Variants in NBPF15 observed in about 807,000 individuals in gnomAD.
NBPF15 encodes the protein NBPF member 15, also known as NBPF family member NBPF15.
A neutral mutation model predicts 62.2 loss-of-function variants in NBPF15; 74 were observed. The ratio of observed to expected loss-of-function variants is 1.19; its 90% CI spans 0.99 to 1.44. The LOEUF is 1.44. NBPF15 is among the 40% of genes most tolerant of loss of function. The pLI is 0.00. For missense variants in NBPF15, 790 were observed against 550.0 expected (o/e 1.44, Z -4.36); for synonymous variants, 244 against 209.7 (o/e 1.16, Z -1.41).
At position 144,426,564 on chromosome 1, in the gene NBPF15, C is replaced by A. The variant is rs1333885244; in HGVS notation, c.1266-114G>T. Reference sequence around the variant, plus strand: ...TGTTTAAAAAGAAAAAGGACGGATCCATTAATGAGGTAATGAATTATTGCC... The same window carrying A: ...TGTTTAAAAAGAAAAAGGACGGATCAATTAATGAGGTAATGAATTATTGCC... On this transcript the variant is annotated intron_variant, in intron 17 of 21. Transcript: ENST00000581897. 6 of 723,314 alleles carry A rather than the reference C, an allele frequency of 8.3e-6. No homozygotes were observed. In the African/African-American group the frequency reaches 1.0e-4, roughly 13 times the overall value. The allele number at this position is 723,314 out of a possible 1,614,324, so 44.8% of individuals were successfully genotyped here.
chr1:144,459,833 T>A (rs1651174838), intron 2 of NBPF15, among the ~76,000 whole-genome samples: 1 of 151,812 alleles, frequency 6.6e-6, no homozygotes, highest in African/African-American at 2.4e-5. Context: ...TCAGCAAGGA[T>A]GTGGGGTAAC....
At chr1:144,428,295 A>T (rs9438350) in intron 15 of NBPF15, among the ~76,000 whole-genome samples, 16 of 151,898 alleles carry the variant, frequency 1.1e-4, no homozygotes, top group Admixed American at 6.6e-5. Flanking sequence ...CAGGACACAC[A>T]GTGAACAGTG....
intron 4 of NBPF15, among the ~76,000 whole-genome samples, chr1:144,453,225 T>C (rs1219656889): frequency 6.7e-6 from 1 of 150,282 alleles, no homozygotes; most frequent in Admixed American, 6.7e-5. Flanking sequence ...TTAGAGACAA[T>C]TTAAAACAGC....
At chr1:144,423,842 T>A (rs1234607572) in intron 21 of NBPF15, 28 bp downstream of exon 21, 3 of 763,156 alleles carry the variant, frequency 3.9e-6, no homozygotes, top group Non-Finnish European at 7.2e-6. Context: ...TAACACAGAA[T>A]TAAGCATCCA....
At chr1:144,451,771 G>A (rs587675022) in intron 4 of NBPF15, among the ~76,000 whole-genome samples, 1 of 151,256 alleles carries the variant, frequency 6.6e-6, no homozygotes, top group Non-Finnish European at 1.5e-5. Context: ...CAAGGCAAAA[G>A]AATTTTTCTT....
At chr1:144,461,339 C>T (rs1185881206) in intron 1 of NBPF15, 42 bp downstream of exon 1, 1 of 151,538 alleles carries the variant, frequency 6.6e-6, no homozygotes, top group African/African-American at 2.4e-5. Context: ...TTGCGACAGC[C>T]GCAGCTCGAC....
chr1:144,440,279 G>C lies in NBPF15; in HGVS notation c.-174C>G. On this transcript the variant is annotated 5_prime_UTR_variant, in exon 7 of 22. Coordinates refer to ENST00000581897, the MANE Select transcript of NBPF15 (RefSeq NM_001385408.1). ...ATAAGAGTGAGGTAGATTGTGGCCA[G>C]CGTGCCAGGTAACCGTCTGCAGTTG... 6.7e-7 allele frequency: 1 copy of C among 1,487,274 alleles called. No homozygotes were observed. The highest frequency in any genetic ancestry group is 9.0e-7 in the Non-Finnish European group (1 of 1,110,854). 92.1% of individuals were successfully genotyped at this position (1,487,274 alleles called of 1,614,324 possible). A position where few individuals can be genotyped will look rare whatever the true frequency, so the allele number is the denominator to read the frequency against.
chr1:144,433,206 GA>G (rs1480919424), intron 13 of NBPF15, among the ~76,000 whole-genome samples: 2 of 151,910 alleles, frequency 1.3e-5, no homozygotes, highest in Admixed American at 6.6e-5. Flanking sequence ...TGACTACTGG[GA>G]AAATAACAAA....
intron 6 of NBPF15, among the ~76,000 whole-genome samples, chr1:144,440,945 G>A (rs1433276841): frequency 6.6e-6 from 1 of 151,774 alleles, no homozygotes; most frequent in African/African-American, 2.4e-5. Context: ...TGGGATTACA[G>A]GCATGAGCCA....
Position 144,423,918 on chromosome 1 carries a change from C to A in NBPF15, c.1721G>T (p.Arg574Ile). The change falls in exon 21 of 22, where the codon AGA becomes ATA. Residue 574 changes from arginine to isoleucine, a missense_variant. Arg to Ile is a moderately conservative substitution (Grantham distance 97). Coordinates refer to ENST00000581897, the MANE Select transcript of NBPF15 (RefSeq NM_001385408.1). Reference sequence around the variant, plus strand: ...TTCCCCTTCTTTTCTTCCCCTTCTTCTTTTCTTCTTTGATCTTCTTCCCCT... The same window carrying A: ...TTCCCCTTCTTTTCTTCCCCTTCTTATTTTCTTCTTTGATCTTCTTCCCCT... The part of the protein sequence containing the change: ...KRRGRRSKKK[R>I]RRGRKEGEDD... 3.7e-6 allele frequency: 3 copies of A among 800,162 alleles called. No individual in the cohort carries two copies. Among genetic ancestry groups the A allele is most frequent in the Non-Finnish European group, 6.7e-6 (3 of 449,972 alleles). 49.6% of individuals were successfully genotyped at this position (800,162 alleles called of 1,614,324 possible).
chr1:144,448,100 C>T (rs1469873122), intron 6 of NBPF15, among the ~76,000 whole-genome samples: 3 of 152,020 alleles, frequency 2.0e-5, no homozygotes, highest in Non-Finnish European at 4.4e-5. Context: ...TTTATTTCTC[C>T]TTTATCATAA....
At chr1:144,437,495 G>A (rs61812392) in intron 9 of NBPF15, among the ~76,000 whole-genome samples, 42 of 146,464 alleles carry the variant, frequency 2.9e-4, no homozygotes, top group African/African-American at 7.5e-4. Flanking sequence ...ATGAGGCCAG[G>A]TGCAGATGGG....
chr1:144,455,092 G>A lies in NBPF15; in HGVS notation c.-432+1445C>T, dbSNP rs587639012. 3.8e-5 allele frequency among the ~76,000 whole-genome samples: 5 copies of A among 130,638 alleles called. No individual in the cohort carries two copies. The East Asian group carries it at 1.1e-3, about 28-fold the overall frequency. The allele number at this position is 130,638 out of a possible 152,430, so 85.7% of individuals were successfully genotyped here. The stretch of plus-strand genomic sequence containing the variant: ...AGAATGGAGGGAGGGAAGGAAGGAG[G>A]AAGGAAGGAAGGAAGGAAGGAAGGG... On this transcript the variant is annotated intron_variant, in intron 4 of 21. Transcript: ENST00000581897.
intron 14 of NBPF15, among the ~76,000 whole-genome samples, chr1:144,429,246 G>A (rs1424885020): frequency 1.3e-5 from 2 of 148,954 alleles, no homozygotes; most frequent in African/African-American, 5.2e-5. Flanking sequence ...GTGAAACCTG[G>A]GTCACATCTT....
At chr1:144,453,064 G>A (rs1181631966) in intron 4 of NBPF15, among the ~76,000 whole-genome samples, 1 of 144,120 alleles carries the variant, frequency 6.9e-6, no homozygotes, top group African/African-American at 2.6e-5. Flanking sequence ...CTGAGGTTTG[G>A]CACTACCAAC....
Position 144,440,059 on chromosome 1 carries a change from C to T in NBPF15, c.-35-21G>A, listed in dbSNP as rs1294951343. The T allele has an allele frequency of 5.8e-5, 91 of 1,561,600 alleles. 3 individuals carry two copies. The highest frequency in any genetic ancestry group is 3.2e-4 in the Admixed American group (19 of 59,910). On this transcript the variant is annotated intron_variant, in intron 7 of 21. Coordinates refer to ENST00000581897, the MANE Select transcript of NBPF15 (RefSeq NM_001385408.1). ...AGGGACTGGGGAGAAGAAACCCAAA[C>T]ATATGATGGGTTAAAAACTGGTGAA...
Position 144,455,626 on chromosome 1 carries a change from G to A in NBPF15, c.-432+911C>T, listed in dbSNP as rs587690967. ...CACTCCAGAAGCTTCCCAGCTGCAG[G>A]TGGGGGCCTCAGCCCCTGGGTCTGA... is the stretch of plus-strand genomic sequence containing the variant. On this transcript the variant is annotated intron_variant, in intron 4 of 21. Coordinates refer to ENST00000581897, the MANE Select transcript of NBPF15 (RefSeq NM_001385408.1). Among the ~76,000 whole-genome samples the A allele has an allele frequency of 2.6e-5, 4 of 152,176 alleles. No individual in the cohort carries two copies. The East Asian group carries it at 7.7e-4, about 29-fold the overall frequency.
intron 8 of NBPF15, among the ~76,000 whole-genome samples, chr1:144,438,253 C>T (rs1680120322): frequency 6.6e-6 from 1 of 150,644 alleles, no homozygotes; most frequent in Non-Finnish European, 1.5e-5. Context: ...GAAAGAGAAC[C>T]TCAAGGGCAC....
intron 13 of NBPF15, among the ~76,000 whole-genome samples, chr1:144,432,406 G>T (rs1316681319): frequency 1.1e-4 from 16 of 151,818 alleles, no homozygotes; most frequent in Non-Finnish European, 1.8e-4. Context: ...TCAACTAACG[G>T]GCGAAATAAC....
Sources: gnomAD v4.1 joint callset for allele counts (sites outside exome capture counted in the v4.1 genomes callset) on GRCh38, gnomAD v4.1.1 for gene constraint, MANE v1.5 for transcripts, NCBI Gene and HGNC (gene_info 2026-07-23, HGNC 2026-07-21) for gene names.